Variants in DUS2 observed in about 807,000 individuals in gnomAD.
DUS2 encodes the protein dihydrouridine synthase 2, also known as tRNA-dihydrouridine(20) synthase [NAD(P)+]-like.
In DUS2, 52 loss-of-function variants were observed where a neutral mutation model predicts 71.3. The observed-to-expected ratio is 0.73, with a 90% CI of 0.58 to 0.92. The LOEUF is 0.92. DUS2 is among the 40% of genes least tolerant of loss of function. The probability of loss-of-function intolerance (pLI) is 0.00; values close to 1 mark genes in which losing one functional copy is unlikely to be tolerated. For synonymous variants in DUS2, 204 were observed against 227.8 expected (o/e 0.90, Z 0.94); for missense variants, 558 against 622.6 (o/e 0.90, Z 1.10).
intron 2 of DUS2, among the ~76,000 whole-genome samples, chr16:68,035,965 T>TTATA (rs748674711): frequency 1.4e-5 from 2 of 140,288 alleles, no homozygotes; most frequent in African/African-American, 5.5e-5. Flanking sequence ...CACACATATG[T>TTATA]TATATATATA....
chr16:68,066,004 C>T (rs1348634006), intron 8 of DUS2, among the ~76,000 whole-genome samples: 3 of 152,098 alleles, frequency 2.0e-5, no homozygotes, highest in East Asian at 1.9e-4. Flanking sequence ...GGTATTTGTC[C>T]TGGCAAAGGC....
At chr16:68,072,537 G>T (rs1487678138) in intron 12 of DUS2, among the ~76,000 whole-genome samples, 1 of 152,206 alleles carries the variant, frequency 6.6e-6, no homozygotes, top group Non-Finnish European at 1.5e-5. Flanking sequence ...GCATAGGCAG[G>T]GCTGCTTCTG....
chr16:68,035,905 T>TACATACAC (rs1567470097), intron 2 of DUS2, among the ~76,000 whole-genome samples: 3 of 54,790 alleles, frequency 5.5e-5, no homozygotes, highest in African/African-American at 1.3e-4. Flanking sequence ...TATATATATA[T>TACATACAC]ATATATATAT....
At chr16:68,057,426 A>G (rs58394395) in intron 7 of DUS2, among the ~76,000 whole-genome samples, 1,979 of 150,890 alleles carry the variant, frequency 0.013, 42 homozygotes, top group African/African-American at 0.045. Flanking sequence ...AACAACTGAG[A>G]CATACATTTA....
intron 5 of DUS2, 157 bp downstream of exon 5, chr16:68,053,812 C>G (rs2033813114): frequency 1.5e-6 from 1 of 680,622 alleles, no homozygotes; most frequent in African/African-American, 1.8e-5. Context: ...AAGAGCCAGT[C>G]ATGAGTAATT....
At chr16:68,049,976 A>G (rs2033755938) in intron 4 of DUS2, among the ~76,000 whole-genome samples, 1 of 152,150 alleles carries the variant, frequency 6.6e-6, no homozygotes. Flanking sequence ...TGAGGACCAA[A>G]TAAGATAAGG....
At chr16:68,074,010 C>A (rs2034122444) in intron 12 of DUS2, 24 bp from the exon 13 acceptor site, 2 of 1,613,442 alleles carry the variant, frequency 1.2e-6, no homozygotes, top group Admixed American at 3.3e-5. Context: ...GCCTGGGCAT[C>A]AGGCAAGTCA....
intron 15 of DUS2, 82 bp downstream of exon 15, chr16:68,076,801 G>C: frequency 7.7e-7 from 1 of 1,297,768 alleles, no homozygotes; most frequent in Non-Finnish European, 1.1e-6. Flanking sequence ...TTGCCAGGCT[G>C]GAGCCTGGCC....
At position 68,038,081 on chromosome 16, in the gene DUS2, G is replaced by T; in HGVS notation, c.58G>T (p.Val20Phe). 5 of 1,613,902 alleles carry T rather than the reference G, an allele frequency of 3.1e-6. No homozygotes were observed. The highest frequency in any genetic ancestry group is 4.2e-6 in the Non-Finnish European group (5 of 1,179,954). Residue 20 changes from valine (V) to phenylalanine (F), a missense_variant, in exon 3 of 17, where the codon GTT becomes TTT. By Grantham distance (50) the Val-to-Phe change is conservative. Transcript: ENST00000565263. Reference protein sequence around the residue: ...YHNKLILAPMVRVGTLPMRLL... With the variant: ...YHNKLILAPMFRVGTLPMRLL... ...TAATAAGCTAATCCTGGCCCCAATG[G>T]TTCGGGTAGGGACTCTTCCAATGAG...
chr16:68,045,575 C>T (rs1356285039), intron 3 of DUS2, among the ~76,000 whole-genome samples: 1 of 151,182 alleles, frequency 6.6e-6, no homozygotes, highest in Non-Finnish European at 1.5e-5. Flanking sequence ...CACGCCACTG[C>T]ACTCCATCCT....
intron 2 of DUS2, among the ~76,000 whole-genome samples, chr16:68,027,358 C>A (rs1235545292): frequency 6.6e-6 from 1 of 152,070 alleles, no homozygotes; most frequent in Non-Finnish European, 1.5e-5. Flanking sequence ...CTTGCCTCAG[C>A]CTCCCAAGTA....
rs560281708 is a variant in DUS2 at position 68,075,269 on chromosome 16, C to T, written c.933-86C>T. ...TTTGGTGTATGTGGTAGAGGAGTTTCTCAGTGGTGGGGCCCTGGGGTCCTG... is the reference window on the plus strand; with the variant it reads ...TTTGGTGTATGTGGTAGAGGAGTTTTTCAGTGGTGGGGCCCTGGGGTCCTG... On this transcript the variant is annotated intron_variant, in intron 13 of 16. Transcript: ENST00000565263. 290 of 1,361,868 alleles carry T rather than the reference C, an allele frequency of 2.1e-4. 2 individuals carry two copies. The South Asian group carries it at 4.5e-3, about 21-fold the overall frequency. The allele number at this position is 1,361,868 out of a possible 1,614,324, so 84.4% of individuals were successfully genotyped here.
At chr16:68,034,467 C>T (rs1406861427) in intron 2 of DUS2, among the ~76,000 whole-genome samples, 1 of 152,204 alleles carries the variant, frequency 6.6e-6, no homozygotes, top group Non-Finnish European at 1.5e-5. Context: ...ATCCGCCCAC[C>T]TCAGCCTCCC....
rs1017455560 is a variant in DUS2 at position 68,025,457 on chromosome 16, T to C, written c.-56T>C. The C allele has an allele frequency of 6.6e-6, 1 of 152,062 alleles. No individual in the cohort carries two copies. Among genetic ancestry groups the C allele is most frequent in the Admixed American group, 6.6e-5 (1 of 15,260 alleles). The allele number at this position is 152,062 out of a possible 1,614,324, so 9.4% of individuals were successfully genotyped here. On this transcript the variant is annotated 5_prime_UTR_variant, in exon 2 of 17. Coordinates refer to ENST00000565263, the MANE Select transcript of DUS2 (RefSeq NM_017803.5). ...ACTCTGTACAAAGCCAGAACACATA[T>C]ATCAAAGTAATCCTGAAGTATCAGA...
chr16:68,073,590 C>T (rs1014882351), intron 12 of DUS2, among the ~76,000 whole-genome samples: 2 of 151,902 alleles, frequency 1.3e-5, no homozygotes, highest in African/African-American at 4.8e-5. Flanking sequence ...GCTGGGATTA[C>T]AGGCACCCGC....
In DUS2 at chr16:68,054,629, C is replaced by T. The variant is rs745682242; in HGVS notation, c.308+12C>T. 1.9e-6 allele frequency: 3 copies of T among 1,614,016 alleles called. No homozygotes were observed. Among genetic ancestry groups the T allele is most frequent in the Non-Finnish European group, 2.5e-6 (3 of 1,180,010 alleles). On this transcript the variant is annotated intron_variant, in intron 6 of 16. Transcript: ENST00000565263. The stretch of plus-strand genomic sequence containing the variant: ...GTGGCCAGGCTTGTGTAAGTTCATC[C>T]TCTGTCTTTAGCACTGCCTTTGCCT...
chr16:68,029,146 A>G (rs912753825), intron 2 of DUS2, among the ~76,000 whole-genome samples: 2 of 151,310 alleles, frequency 1.3e-5, no homozygotes, highest in African/African-American at 4.8e-5. Context: ...TTGGGACTGC[A>G]GTGAGCCATG....
chr16:68,027,902 C>T (rs970579392), intron 2 of DUS2, among the ~76,000 whole-genome samples: 2 of 152,092 alleles, frequency 1.3e-5, no homozygotes, highest in African/African-American at 4.8e-5. Flanking sequence ...GAGAGCAGGC[C>T]AGGCTGGGGA....
chr16:68,066,663 G>T (rs1303220131), intron 10 of DUS2, 27 bp downstream of exon 10: 1 of 1,610,402 alleles, frequency 6.2e-7, no homozygotes, highest in Admixed American at 1.7e-5. Context: ...CTAGTGACTG[G>T]CAGGGAGGTC....
Sources: allele counts gnomAD v4.1 joint callset (sites outside exome capture counted in the v4.1 genomes callset), GRCh38; gene constraint gnomAD v4.1.1; transcripts MANE v1.5; gene names NCBI Gene and HGNC (gene_info 2026-07-23, HGNC 2026-07-21).